The following SOX12 variants were observed in gnomAD, a reference collection of about 807,000 sequenced individuals.
The protein encoded by SOX12 is SRY-box transcription factor 12, also known as transcription factor SOX-12.
In SOX12, 8 loss-of-function variants were observed where a neutral mutation model predicts 21.5. The observed-to-expected ratio is 0.37, with a 90% confidence interval of 0.22 to 0.67. The LOEUF is 0.67. SOX12 is among the 30% of genes least tolerant of loss of function. The pLI, the probability that SOX12 is intolerant of heterozygous loss-of-function variation, is 0.56. For synonymous variants in SOX12, 235 were observed against 224.2 expected, an observed-to-expected ratio of 1.05 and a Z score of -0.43; for missense variants, 400 against 482.6, an observed-to-expected ratio of 0.83 and a Z score of 1.60.
chr20:327,998 G>A lies in SOX12; in HGVS notation c.*1126G>A, dbSNP rs755557318. The stretch of plus-strand genomic sequence containing the variant: ...GAAAAACTGAGGCACTTTGGTGCTA[G>A]GGGTTTGGGACTGAGGCGTGGAGAG... On this transcript the variant is annotated 3_prime_UTR_variant, in exon 1 of 1. Coordinates refer to ENST00000342665, the MANE Select transcript of SOX12 (RefSeq NM_006943.4). 4 of 167,216 alleles carry A rather than the reference G, an allele frequency of 2.4e-5. No individual in the cohort carries two copies. The highest frequency in any genetic ancestry group is 5.9e-5 in the Non-Finnish European group (4 of 68,192). 10.4% of individuals were successfully genotyped at this position (167,216 alleles called of 1,614,324 possible).
Position 327,004 on chromosome 20 carries a change from T to TC in SOX12, c.*138dup, listed in dbSNP as rs1348641808. 6 of 757,538 alleles carry TC rather than the reference T, an allele frequency of 7.9e-6. No homozygotes were observed. Among genetic ancestry groups the TC allele is most frequent in the African/African-American group, 2.7e-5 (1 of 36,402 alleles). The allele number at this position is 757,538 out of a possible 1,614,324, so 46.9% of individuals were successfully genotyped here. ...GCCTGCCCCCTCCTGGACGTGCCCATCCCCCCTCAGATCCAGACATGCCCC... is the reference window on the plus strand; with the variant it reads ...GCCTGCCCCCTCCTGGACGTGCCCATCCCCCCCTCAGATCCAGACATGCCCC... On this transcript the variant is annotated 3_prime_UTR_variant, in exon 1 of 1. Transcript: ENST00000342665.
Position 326,886 on chromosome 20 carries a change from G to A in SOX12, c.*14G>A. On this transcript the variant is annotated 3_prime_UTR_variant, in exon 1 of 1. Coordinates refer to ENST00000342665, the MANE Select transcript of SOX12 (RefSeq NM_006943.4). The surrounding 1 kb of genome is among the most constrained non-coding windows in gnomAD (Gnocchi z 9.9). ...TTCACCTACTGAGCCCACCGTCAGC[G>A]GGGCGCGCACGCCCCCAAACCAGCT... 1.2e-6 allele frequency: 2 copies of A among 1,612,780 alleles called. No individual in the cohort carries two copies. Among genetic ancestry groups the A allele is most frequent in the Non-Finnish European group, 1.7e-6 (2 of 1,179,594 alleles).
rs2013112581 is a variant in SOX12 at position 327,075 on chromosome 20, CCGA to C, written c.*205_*207del. On this transcript the variant is annotated 3_prime_UTR_variant, in exon 1 of 1. Coordinates refer to ENST00000342665, the MANE Select transcript of SOX12 (RefSeq NM_006943.4). ...AGGCAGCCCAACCCCCACCCCTTCC[CCGA>C]CACCCAAGCCCCTCCCCACGTCGCC... 1 of 612,038 alleles carries C rather than the reference CCGA, an allele frequency of 1.6e-6. No homozygotes were observed. Among genetic ancestry groups the C allele is most frequent in the Non-Finnish European group, 3.0e-6 (1 of 337,386 alleles). 37.9% of individuals were successfully genotyped at this position (612,038 alleles called of 1,614,324 possible).
chr20:326,253 G>C lies in SOX12; in HGVS notation c.329G>C (p.Arg110Pro). The change falls in exon 1 of 1, where the codon CGG becomes CCG. Residue 110 changes from arginine (R) to proline (P), a missense_variant. Arg to Pro is a moderately radical substitution (Grantham distance 103, BLOSUM62 -2). Around this residue, in one of 4 missense-constraint regions of SOX12, gnomAD observed 92 missense variants for 162.0 expected, o/e 0.57. Coordinates refer to ENST00000342665, the MANE Select transcript of SOX12 (RefSeq NM_006943.4). The surrounding 1 kb of genome is among the most constrained non-coding windows in gnomAD (Gnocchi z 9.9). ...HMADYPDYKY[R>P]PRKKSKGAPA... is the part of the protein sequence containing the mutation. ...GCGGATTACCCGGACTACAAGTACC[G>C]GCCGCGCAAAAAGAGCAAGGGGGCG... 1 of 1,547,360 alleles carries C rather than the reference G, an allele frequency of 6.5e-7. No homozygotes were observed. The highest frequency in any genetic ancestry group is 8.7e-7 in the Non-Finnish European group (1 of 1,148,324).
At position 326,073 on chromosome 20, in the gene SOX12, G is replaced by C; in HGVS notation, c.149G>C (p.Trp50Ser). 6.2e-7 allele frequency: 1 copy of C among 1,601,442 alleles called. No individual in the cohort carries two copies. Among genetic ancestry groups the C allele is most frequent in the Non-Finnish European group, 8.5e-7 (1 of 1,174,674 alleles). ...IKRPMNAFMV[W>S]SQHERRKIMD... ...AGGCCGATGAACGCATTCATGGTGT[G>C]GTCGCAGCACGAACGGCGGAAGATC... Residue 50 changes from tryptophan to serine, a missense_variant, in exon 1 of 1, where the codon TGG becomes TCG. By Grantham distance (177) the Trp-to-Ser change is radical (BLOSUM62 -3). This residue lies in a region of SOX12 where 92 missense variants were observed against 162.0 expected (regional missense o/e 0.57). Transcript: ENST00000342665. The surrounding 1 kb of genome is among the most constrained non-coding windows in gnomAD (Gnocchi z 9.9).
Position 328,857 on chromosome 20 carries a change from C to G in SOX12, c.*1985C>G, listed in dbSNP as rs984091776. On this transcript the variant is annotated 3_prime_UTR_variant, in exon 1 of 1. Coordinates refer to ENST00000342665, the MANE Select transcript of SOX12 (RefSeq NM_006943.4). The stretch of plus-strand genomic sequence containing the variant: ...GGCAAGCCACCTTGCCTGTCTAGGC[C>G]TCTATGTCAGGACTCCCTGGCCTTC... The G allele has an allele frequency of 1.2e-5, 2 of 167,180 alleles. No individual in the cohort carries two copies. Among genetic ancestry groups the G allele is most frequent in the African/African-American group, 4.8e-5 (2 of 41,454 alleles). 10.4% of individuals were successfully genotyped at this position (167,180 alleles called of 1,614,324 possible).
rs1246884131 is a variant in SOX12, at chr20:327,529, C to G, written c.*657C>G. Reference sequence around the variant, plus strand: ...TGGGAAATCCTTTGATCCGGGAGCCCTAGGTTTCCTCTCCAGCCAACGGGG... The same window carrying G: ...TGGGAAATCCTTTGATCCGGGAGCCGTAGGTTTCCTCTCCAGCCAACGGGG... On this transcript the variant is annotated 3_prime_UTR_variant, in exon 1 of 1. Transcript: ENST00000342665. 6.0e-6 allele frequency: 1 copy of G among 167,122 alleles called. No individual in the cohort carries two copies. The highest frequency in any genetic ancestry group is 1.5e-5 in the Non-Finnish European group (1 of 68,184). 10.4% of individuals were successfully genotyped at this position (167,122 alleles called of 1,614,324 possible).
rs1432247774 is a variant in SOX12, at chr20:327,088, C to G, written c.*216C>G. On this transcript the variant is annotated 3_prime_UTR_variant, in exon 1 of 1. Transcript: ENST00000342665. ...CCCACCCCTTCCCCGACACCCAAGC[C>G]CCTCCCCACGTCGCCCCCTCCTGCA... 1 of 602,594 alleles carries G rather than the reference C, an allele frequency of 1.7e-6. No homozygotes were observed. The highest frequency in any genetic ancestry group is 3.0e-6 in the Non-Finnish European group (1 of 331,820). 37.3% of individuals were successfully genotyped at this position (602,594 alleles called of 1,614,324 possible).
Position 326,932 on chromosome 20 carries a change from T to A in SOX12, c.*60T>A. The A allele has an allele frequency of 1.3e-6, 2 of 1,569,632 alleles. No individual in the cohort carries two copies. The highest frequency in any genetic ancestry group is 1.8e-6 in the Non-Finnish European group (2 of 1,141,450). On this transcript the variant is annotated 3_prime_UTR_variant, in exon 1 of 1. Coordinates refer to ENST00000342665, the MANE Select transcript of SOX12 (RefSeq NM_006943.4). This position sits in a 1 kb window ranked among gnomAD's most constrained non-coding sequence, Gnocchi z 9.9. Reference sequence around the variant, plus strand: ...CAGCTGTTTACATACAGGAATCAGGTATTGGGGCCCCTCGGAGGCCGAGGC... The same window carrying A: ...CAGCTGTTTACATACAGGAATCAGGAATTGGGGCCCCTCGGAGGCCGAGGC...
rs770850889 is a variant in SOX12, at chr20:326,198, G to C, written c.274G>C (p.Glu92Gln). 4 of 1,593,712 alleles carry C rather than the reference G, an allele frequency of 2.5e-6. No homozygotes were observed. Among genetic ancestry groups the C allele is most frequent in the Non-Finnish European group, 3.4e-6 (4 of 1,170,984 alleles). ...QDSEKIPFVR[E>Q]AERLRLKHMA... is the part of the protein sequence containing the mutation. The stretch of plus-strand genomic sequence containing the variant: ...CTCGGAGAAGATCCCGTTCGTGCGG[G>C]AGGCGGAGCGGCTGCGGCTCAAGCA... Residue 92 changes from glutamate (E) to glutamine (Q), a missense_variant, in exon 1 of 1, where the codon GAG becomes CAG. By Grantham distance (29) the Glu-to-Gln change is conservative. Around this residue, in one of 4 missense-constraint regions of SOX12, gnomAD observed 92 missense variants for 162.0 expected, o/e 0.57. Transcript: ENST00000342665. This position sits in a 1 kb window ranked among gnomAD's most constrained non-coding sequence, Gnocchi z 9.9.
Position 326,530 on chromosome 20 carries a change from C to A in SOX12, c.606C>A (p.Arg202=), listed in dbSNP as rs1306692193. 4.1e-6 allele frequency: 6 copies of A among 1,473,844 alleles called. 1 individual carries two copies. The South Asian group carries it at 8.2e-5, about 20-fold the overall frequency. 91.3% of individuals were successfully genotyped at this position (1,473,844 alleles called of 1,614,324 possible). The change falls in exon 1 of 1, where the codon CGC becomes CGA. Residue 202 remains arginine (R), a synonymous_variant. Transcript: ENST00000342665. The surrounding 1 kb of genome is among the most constrained non-coding windows in gnomAD (Gnocchi z 9.9). ...AGRAARGQAE[R]AQGPSGEGAA... ...GGGCCGCTCGGGGACAAGCGGAGCG[C>A]GCCCAAGGGCCGTCGGGCGAGGGGG...
Position 326,652 on chromosome 20 carries a change from A to G in SOX12, c.728A>G (p.Glu243Gly), listed in dbSNP as rs73574574. 1,430 of 1,551,438 alleles carry G rather than the reference A, an allele frequency of 9.2e-4. 16 individuals carry two copies. In the African/African-American group the frequency reaches 0.018, roughly 19 times the overall value. The part of the protein sequence containing the change: ...EAAAAEEGEE[E>G]TVASGEESLG... ...GCAGCGGCTGAGGAAGGTGAAGAGG[A>G]GACGGTGGCGTCGGGGGAGGAGTCG... The change falls in exon 1 of 1, where the codon GAG (glutamate) becomes GGG (glycine). Residue 243 changes from glutamate to glycine, a missense_variant. Transcript: ENST00000342665. This position sits in a 1 kb window ranked among gnomAD's most constrained non-coding sequence, Gnocchi z 9.9.
Position 328,557 on chromosome 20 carries a change from A to AC in SOX12, c.*1685_*1686insC, listed in dbSNP as rs2013144485. ...TTTTTTAAGAAAAACAACAACAACA[A>AC]AAAAAGACAATGAAAAAAAAAACGT... On this transcript the variant is annotated 3_prime_UTR_variant, in exon 1 of 1. Transcript: ENST00000342665. The AC allele has an allele frequency of 6.2e-6, 1 of 160,324 alleles. No homozygotes were observed. The highest frequency in any genetic ancestry group is 1.5e-5 in the Non-Finnish European group (1 of 67,638). 9.9% of individuals were successfully genotyped at this position (160,324 alleles called of 1,614,324 possible). A position where few individuals can be genotyped will look rare whatever the true frequency, so the allele number is the denominator to read the frequency against.
In SOX12 at chr20:326,730, C is replaced by T; in HGVS notation, c.806C>T (p.Ala269Val). 2 of 1,609,726 alleles carry T rather than the reference C, an allele frequency of 1.2e-6. No homozygotes were observed. Among genetic ancestry groups the T allele is most frequent in the Middle Eastern group, 1.7e-4 (1 of 6,052 alleles). Residue 269 changes from alanine (A) to valine (V), a missense_variant, in exon 1 of 1, where the codon GCC (alanine) becomes GTC (valine). This residue lies in a region of SOX12 where 235 missense variants were observed against 219.3 expected (regional missense o/e 1.07). Coordinates refer to ENST00000342665, the MANE Select transcript of SOX12 (RefSeq NM_006943.4). This position sits in a 1 kb window ranked among gnomAD's most constrained non-coding sequence, Gnocchi z 9.9. ...PPGPAGLDCS[A>V]LDRDPDLQPP... ...GGCCCGGCCGGCCTGGACTGCAGCG[C>T]CCTGGATCGCGACCCGGACCTGCAG...
chr20:326,122 C>T lies in SOX12; in HGVS notation c.198C>T (p.His66=). ...TCATGGACCAGTGGCCCGACATGCA[C>T]AACGCCGAGATCTCCAAGCGCCTGG... is the stretch of plus-strand genomic sequence containing the variant. The part of the protein sequence containing the change: ...RKIMDQWPDM[H]NAEISKRLGR... Residue 66 remains histidine, a synonymous_variant, in exon 1 of 1, where the codon CAC becomes CAT. Transcript: ENST00000342665. This position sits in a 1 kb window ranked among gnomAD's most constrained non-coding sequence, Gnocchi z 9.9. 6.2e-7 allele frequency: 1 copy of T among 1,601,982 alleles called. No homozygotes were observed. Among genetic ancestry groups the T allele is most frequent in the Non-Finnish European group, 8.5e-7 (1 of 1,174,772 alleles).
rs575489730 is a variant in SOX12, at chr20:328,737, C to G, written c.*1865C>G. 1 of 167,228 alleles carries G rather than the reference C, an allele frequency of 6.0e-6. No homozygotes were observed. Among genetic ancestry groups the G allele is most frequent in the South Asian group, 2.1e-4 (1 of 4,808 alleles). The allele number at this position is 167,228 out of a possible 1,614,324, so 10.4% of individuals were successfully genotyped here. On this transcript the variant is annotated 3_prime_UTR_variant, in exon 1 of 1. Coordinates refer to ENST00000342665, the MANE Select transcript of SOX12 (RefSeq NM_006943.4). Reference sequence around the variant, plus strand: ...AAAGTGTATTTGCCCCGACCTTGCCCTGTGGTTCTGCATGTCTGTGCTCTT... The same window carrying G: ...AAAGTGTATTTGCCCCGACCTTGCCGTGTGGTTCTGCATGTCTGTGCTCTT...
In SOX12 at chr20:326,581, G is replaced by T; in HGVS notation, c.657G>T (p.Pro219=). 2.0e-6 allele frequency: 3 copies of T among 1,534,648 alleles called. No homozygotes were observed. Among genetic ancestry groups the T allele is most frequent in the Non-Finnish European group, 2.6e-6 (3 of 1,141,492 alleles). The change falls in exon 1 of 1, where the codon CCG becomes CCT. Residue 219 remains proline (P), a synonymous_variant. Transcript: ENST00000342665. This position sits in a 1 kb window ranked among gnomAD's most constrained non-coding sequence, Gnocchi z 9.9. ...CGGCCGCCGCCGCCGCCGCCTCCCC[G>T]ACACCGTCGGAGGACGAGGAGCCGG... ...EGAAAAAAAS[P]TPSEDEEPEE...
In SOX12 at chr20:326,014, C is replaced by G. The variant is rs769817096; in HGVS notation, c.90C>G (p.Pro30=). ...PGPAEEGARE[P]GWCKTPSGHI... is the part of the protein sequence containing the mutation. ...CGGCCGAGGAGGGGGCGCGCGAGCC[C>G]GGCTGGTGCAAGACCCCGAGCGGCC... The change falls in exon 1 of 1, where the codon CCC becomes CCG. Residue 30 remains proline (P), a synonymous_variant. Transcript: ENST00000342665. This position sits in a 1 kb window ranked among gnomAD's most constrained non-coding sequence, Gnocchi z 9.9. 3 of 1,539,732 alleles carry G rather than the reference C, an allele frequency of 1.9e-6. No homozygotes were observed. The East Asian group carries it at 7.8e-5, about 40-fold the overall frequency.
In SOX12 at chr20:328,364, C is replaced by G. The variant is rs1418545802; in HGVS notation, c.*1492C>G. 1 of 166,120 alleles carries G rather than the reference C, an allele frequency of 6.0e-6. No individual in the cohort carries two copies. Among genetic ancestry groups the G allele is most frequent in the Non-Finnish European group, 1.5e-5 (1 of 67,946 alleles). The allele number at this position is 166,120 out of a possible 1,614,324, so 10.3% of individuals were successfully genotyped here. On this transcript the variant is annotated 3_prime_UTR_variant, in exon 1 of 1. Transcript: ENST00000342665. ...GGTGGCTCACACACTCTCATTCACA[C>G]ACACAAATCTCAGGAACAAACGGTC...
Sources: allele counts gnomAD v4.1 joint callset, GRCh38; gene constraint gnomAD v4.1.1; regional missense constraint gnomAD v4.1.1; non-coding constraint Gnocchi (gnomAD v3.1); transcripts MANE v1.5; gene names NCBI Gene and HGNC (gene_info 2026-07-23, HGNC 2026-07-21).